GRIN2B: variants seen among roughly 807,000 people sequenced by gnomAD.
GRIN2B encodes glutamate receptor ionotropic, NMDA 2B.
In GRIN2B, 5 loss-of-function variants were observed where a neutral mutation model predicts 114.5. That is an observed-to-expected ratio of 0.04 (90% CI 0.02 to 0.09). The LOEUF is 0.09. Among genes scored for constraint, GRIN2B ranks in the 10% least tolerant of loss-of-function variants. GRIN2B has a pLI of 1.00. For synonymous variants in GRIN2B, 787 were observed against 745.1 expected (o/e 1.06, Z -0.92); for missense variants, 1,108 against 1,943.5 (o/e 0.57, Z 8.08).
chr12:13,903,043 T>G (rs181005071), intron 2 of GRIN2B, among the ~76,000 whole-genome samples: 1 of 152,270 alleles, frequency 6.6e-6, no homozygotes, highest in East Asian at 1.9e-4. Context: ...ACATAAAATT[T>G]TATAATGATT....
intron 2 of GRIN2B, among the ~76,000 whole-genome samples, chr12:13,886,410 A>G (rs1866158432): frequency 6.6e-6 from 1 of 152,148 alleles, no homozygotes. Context: ...CCAATTAGGA[A>G]AATTGGAACA....
Position 13,734,345 on chromosome 12 carries a change from G to A in GRIN2B, c.1010+18972C>T, listed in dbSNP as rs146267624. Among the ~76,000 whole-genome samples, 319 of 152,258 alleles carry A rather than the reference G, an allele frequency of 2.1e-3. 2 individuals are homozygous for A. The highest frequency in any genetic ancestry group is 3.4e-3 in the Middle Eastern group (1 of 294). On this transcript the variant is annotated intron_variant, in intron 4 of 13. Coordinates refer to ENST00000609686, the MANE Select transcript of GRIN2B (RefSeq NM_000834.5). ...AGGGGCACTGTGCAGGGTGATGGGC[G>A]TCTGACTGATGCAGATATAAAAGGA...
intron 10 of GRIN2B, among the ~76,000 whole-genome samples, chr12:13,601,188 C>T (rs978680713): frequency 3.9e-5 from 6 of 152,312 alleles, no homozygotes; most frequent in African/African-American, 7.2e-5. Flanking sequence ...AAAATAGCCA[C>T]GAACAGAAGC....
chr12:13,943,243 AG>A (rs553935163), intron 2 of GRIN2B, among the ~76,000 whole-genome samples: 45 of 152,300 alleles, frequency 3.0e-4, no homozygotes, highest in Admixed American at 2.6e-3. Flanking sequence ...AGGATGAAAA[AG>A]GAGAAGTGTA....
chr12:13,820,157 C>T (rs1051106272), intron 3 of GRIN2B, among the ~76,000 whole-genome samples: 2 of 152,168 alleles, frequency 1.3e-5, no homozygotes, highest in African/African-American at 2.4e-5. Flanking sequence ...TGACCCTATT[C>T]TTGCTAGCTA....
chr12:13,625,063 T>C (rs1380058344), intron 5 of GRIN2B, among the ~76,000 whole-genome samples: 3 of 152,172 alleles, frequency 2.0e-5, no homozygotes, highest in African/African-American at 7.2e-5. Flanking sequence ...ATTAGAGCCA[T>C]TAGGGACCAG....
At chr12:13,912,813 C>T (rs572976875) in intron 2 of GRIN2B, among the ~76,000 whole-genome samples, 3 of 152,076 alleles carry the variant, frequency 2.0e-5, no homozygotes, top group South Asian at 2.1e-4. Flanking sequence ...GCACTTTTGG[C>T]GCCTCCCAAT....
chr12:13,656,351 G>A (rs775226947), intron 5 of GRIN2B, among the ~76,000 whole-genome samples: 63 of 152,282 alleles, frequency 4.1e-4, no homozygotes, highest in Non-Finnish European at 5.4e-4. Context: ...AAAAGAGACT[G>A]TTTTGCAGTG....
intron 4 of GRIN2B, among the ~76,000 whole-genome samples, chr12:13,720,746 G>A (rs1950500733): frequency 6.6e-6 from 1 of 152,174 alleles, no homozygotes; most frequent in South Asian, 2.1e-4. Flanking sequence ...GGAGGTGTGA[G>A]GCAGAAACCT....
At chr12:13,571,247 A>ACAAAGGGACCAG (rs900066001) in intron 11 of GRIN2B, among the ~76,000 whole-genome samples, 1 of 152,184 alleles carries the variant, frequency 6.6e-6, no homozygotes, top group African/African-American at 2.4e-5. Context: ...GGCCAAATGA[A>ACAAAGGGACCAG]CAAAGGGACC....
intron 5 of GRIN2B, among the ~76,000 whole-genome samples, chr12:13,656,770 G>A (rs1165140453): frequency 1.3e-5 from 2 of 152,110 alleles, no homozygotes; most frequent in Non-Finnish European, 2.9e-5. Context: ...CTAAAAATAC[G>A]CCATAGTCAG....
intron 3 of GRIN2B, among the ~76,000 whole-genome samples, chr12:13,764,625 A>G (rs1453568185): frequency 1.3e-5 from 2 of 152,218 alleles, no homozygotes; most frequent in Non-Finnish European, 2.9e-5. Context: ...TTCCCTAGAA[A>G]TAAGAACTTG....
At chr12:13,644,447 A>G (rs976236913) in intron 5 of GRIN2B, among the ~76,000 whole-genome samples, 1 of 152,174 alleles carries the variant, frequency 6.6e-6, no homozygotes, top group Non-Finnish European at 1.5e-5. Flanking sequence ...GAGCATGGAT[A>G]GAGTAAATTA....
chr12:13,725,185 G>T (rs1440746883), intron 4 of GRIN2B, among the ~76,000 whole-genome samples: 4 of 152,136 alleles, frequency 2.6e-5, no homozygotes, highest in Non-Finnish European at 5.9e-5. Flanking sequence ...CAGGATAATA[G>T]TGTCCCCTGG....
chr12:13,674,634 G>A (rs1224828956), intron 5 of GRIN2B, among the ~76,000 whole-genome samples: 2 of 152,046 alleles, frequency 1.3e-5, no homozygotes, highest in Non-Finnish European at 2.9e-5. Flanking sequence ...TATATAGCTG[G>A]ATTTCCATTC....
At chr12:13,626,055 A>G (rs896628127) in intron 5 of GRIN2B, among the ~76,000 whole-genome samples, 3 of 152,196 alleles carry the variant, frequency 2.0e-5, no homozygotes, top group Non-Finnish European at 4.4e-5. Context: ...ATCCTTGGGA[A>G]GCCATAATCC....
At chr12:13,746,933 G>A (rs1355995326) in intron 4 of GRIN2B, among the ~76,000 whole-genome samples, 1 of 152,190 alleles carries the variant, frequency 6.6e-6, no homozygotes, top group African/African-American at 2.4e-5. Context: ...AGCAGATGCT[G>A]GCACCGTGCC....
At chr12:13,819,038 T>C (rs1477755702) in intron 3 of GRIN2B, among the ~76,000 whole-genome samples, 2 of 152,218 alleles carry the variant, frequency 1.3e-5, no homozygotes, top group African/African-American at 2.4e-5. Flanking sequence ...GACCTAAGAA[T>C]GTGACAGTAT....
intron 3 of GRIN2B, among the ~76,000 whole-genome samples, chr12:13,823,458 G>A (rs1427809256): frequency 1.3e-5 from 2 of 151,934 alleles, no homozygotes; most frequent in Admixed American, 6.6e-5. Flanking sequence ...TTTTTAAATT[G>A]ATAATTCTCC....
Sources: gnomAD v4.1 joint callset for allele counts (sites outside exome capture counted in the v4.1 genomes callset) on GRCh38, gnomAD v4.1.1 for gene constraint, MANE v1.5 for transcripts, NCBI Gene and HGNC (gene_info 2026-07-23, HGNC 2026-07-21) for gene names.